Variants in ADAMTSL1 observed in about 807,000 individuals in gnomAD.
The protein encoded by ADAMTSL1 is ADAMTS-like protein 1.
In ADAMTSL1, 126 loss-of-function variants were observed where a neutral mutation model predicts 201.8. The ratio of observed to expected loss-of-function variants is 0.62; its 90% CI spans 0.54 to 0.72. The LOEUF (loss-of-function observed/expected upper bound fraction) is 0.72, where lower values mean the gene tolerates loss of function less well. Ranked by LOEUF, ADAMTSL1 falls within the 30% of genes least tolerant of loss-of-function variation. The pLI is 0.00. For missense variants in ADAMTSL1, 2,679 were observed against 2,277.8 expected (o/e 1.18, Z -3.59); for synonymous variants, 1,121 against 903.4 (o/e 1.24, Z -4.32).
Position 18,420,454 on chromosome 9 carries a change from G to C in ADAMTSL1, c.208-84375G>C, listed in dbSNP as rs569726092. 1.6e-4 allele frequency among the ~76,000 whole-genome samples: 24 copies of C among 152,282 alleles called. No individual in the cohort carries two copies. In the South Asian group the frequency reaches 4.1e-3, roughly 26 times the overall value. ...CTAACCTGGCCTTTCCTCAAATGTA[G>C]GTAAGAAAGGCAGCAAGCCTACAGC... On this transcript the variant is annotated intron_variant, in intron 2 of 29. Coordinates refer to the ADAMTSL1 transcript ENST00000680146.
intron 4 of ADAMTSL1, among the ~76,000 whole-genome samples, chr9:18,584,533 C>T (rs1183348163): frequency 6.6e-6 from 1 of 152,228 alleles, no homozygotes; most frequent in Non-Finnish European, 1.5e-5. Context: ...TTCTCTGCCA[C>T]TGTATAACAG....
At chr9:17,980,352 A>G (rs914861717) in intron 1 of ADAMTSL1, among the ~76,000 whole-genome samples, 2 of 150,718 alleles carry the variant, frequency 1.3e-5, no homozygotes, top group African/African-American at 4.9e-5. Context: ...TGCATTTTCC[A>G]TCTTTTTGCC....
intron 1 of ADAMTSL1, among the ~76,000 whole-genome samples, chr9:18,103,444 G>T (rs531492674): frequency 1.3e-5 from 2 of 152,066 alleles, no homozygotes; most frequent in South Asian, 4.1e-4. Context: ...TAAATTTCAA[G>T]AAATAATCTA....
At chr9:18,596,928 C>T (rs1022932297) in intron 4 of ADAMTSL1, among the ~76,000 whole-genome samples, 4 of 152,156 alleles carry the variant, frequency 2.6e-5, no homozygotes, top group African/African-American at 7.2e-5. Context: ...AGCAAAACTC[C>T]TAGGGGAATT....
At chr9:18,068,532 T>C (rs1047636194) in intron 1 of ADAMTSL1, among the ~76,000 whole-genome samples, 8 of 152,048 alleles carry the variant, frequency 5.3e-5, no homozygotes, top group Admixed American at 2.0e-4. Context: ...CAATCCTCCA[T>C]GGATACCAAT....
At chr9:18,371,471 T>C (rs1307299289) in intron 2 of ADAMTSL1, among the ~76,000 whole-genome samples, 1 of 152,218 alleles carries the variant, frequency 6.6e-6, no homozygotes, top group East Asian at 1.9e-4. Context: ...TGGAATCTGA[T>C]ATTATCTGAG....
At chr9:18,737,780 G>A (rs1818600295) in intron 15 of ADAMTSL1, among the ~76,000 whole-genome samples, 1 of 152,180 alleles carries the variant, frequency 6.6e-6, no homozygotes, top group African/African-American at 2.4e-5. Context: ...ATAGACACTG[G>A]CTGGCAAAGC....
At chr9:18,566,079 G>A in intron 3 of ADAMTSL1, among the ~76,000 whole-genome samples, 1 of 152,160 alleles carries the variant, frequency 6.6e-6, no homozygotes, top group East Asian at 1.9e-4. Context: ...AACTAGGCAA[G>A]ACTCCCTAAC....
chr9:18,140,489 CAT>C (rs1308386278), intron 1 of ADAMTSL1, among the ~76,000 whole-genome samples: 12 of 152,194 alleles, frequency 7.9e-5, no homozygotes, highest in Non-Finnish European at 4.4e-5. Flanking sequence ...GTTGGACACA[CAT>C]GTGTGAAATG....
At chr9:18,377,335 G>GA (rs1450059920) in intron 2 of ADAMTSL1, among the ~76,000 whole-genome samples, 1 of 152,156 alleles carries the variant, frequency 6.6e-6, no homozygotes, top group Non-Finnish European at 1.5e-5. Flanking sequence ...GGCACTCAGT[G>GA]AATATTATAT....
intron 2 of ADAMTSL1, among the ~76,000 whole-genome samples, chr9:18,210,907 A>G (rs1266861276): frequency 6.6e-6 from 1 of 151,976 alleles, no homozygotes; most frequent in African/African-American, 2.4e-5. Context: ...GGCTGTCTAG[A>G]GACAGAGACA....
rs182286557 is a variant in ADAMTSL1, at chr9:18,129,114, G to T, written c.88-34748G>T. Among the ~76,000 whole-genome samples the T allele has an allele frequency of 1.6e-4, 24 of 152,226 alleles. 1 individual carries two copies. The highest frequency in any genetic ancestry group is 1.5e-3 in the Admixed American group (23 of 15,290). Reference sequence around the variant, plus strand: ...CTGTTTTATATCTATGTCTAGTGAAGAATAAACTCTGGTCAGCCTAGCATA... The same window carrying T: ...CTGTTTTATATCTATGTCTAGTGAATAATAAACTCTGGTCAGCCTAGCATA... On this transcript the variant is annotated intron_variant, in intron 1 of 29. Coordinates refer to the ADAMTSL1 transcript ENST00000680146.
At chr9:18,830,004 G>A (rs1281677897) in intron 23 of ADAMTSL1, 27 bp downstream of exon 23, 3 of 1,585,638 alleles carry the variant, frequency 1.9e-6, no homozygotes, top group East Asian at 4.6e-5. Context: ...GAAACATTGG[G>A]CAGAAAGCCA....
intron 10 of ADAMTSL1, among the ~76,000 whole-genome samples, chr9:18,678,763 T>C (rs551044849): frequency 1.2e-4 from 18 of 152,212 alleles, no homozygotes; most frequent in Non-Finnish European, 1.2e-4. Context: ...TACATACTTA[T>C]GTATTCAACC....
At chr9:18,089,458 C>T (rs1427033906) in intron 1 of ADAMTSL1, among the ~76,000 whole-genome samples, 3 of 150,584 alleles carry the variant, frequency 2.0e-5, no homozygotes, top group African/African-American at 4.9e-5. Context: ...CACACTGGGG[C>T]CTGTCGGGGG....
chr9:18,207,204 G>C (rs1829686969), intron 2 of ADAMTSL1, among the ~76,000 whole-genome samples: 1 of 151,808 alleles, frequency 6.6e-6, no homozygotes, highest in Admixed American at 6.6e-5. Flanking sequence ...GTAAATGGAA[G>C]GGAAAGGAAG....
rs137919661 is a variant in ADAMTSL1 at position 18,361,228 on chromosome 9, G to A, written c.208-143601G>A. Among the ~76,000 whole-genome samples the A allele has an allele frequency of 7.2e-3, 1,099 of 151,954 alleles. 4 individuals are homozygous for A. Among genetic ancestry groups the A allele is most frequent in the South Asian group, 0.019 (93 of 4,812 alleles). On this transcript the variant is annotated intron_variant, in intron 2 of 29. Coordinates refer to the ADAMTSL1 transcript ENST00000680146. Reference sequence around the variant, plus strand: ...TTCTTTTCCAATAAGTGTATTTTTCGATTATAAGGAGCATTAAAGTCACAT... The same window carrying A: ...TTCTTTTCCAATAAGTGTATTTTTCAATTATAAGGAGCATTAAAGTCACAT...
intron 1 of ADAMTSL1, among the ~76,000 whole-genome samples, chr9:18,487,089 T>C (rs1245563913): frequency 6.6e-6 from 1 of 152,220 alleles, no homozygotes; most frequent in Non-Finnish European, 1.5e-5. Flanking sequence ...AATTGTGGTC[T>C]TCAGAAAATA....
chr9:17,938,768 A>C (rs1827113696), intron 1 of ADAMTSL1, among the ~76,000 whole-genome samples: 1 of 152,098 alleles, frequency 6.6e-6, no homozygotes, highest in Non-Finnish European at 1.5e-5. Flanking sequence ...GGGATTGGTG[A>C]CCATCCAAGA....
Sources: gnomAD v4.1 joint callset for allele counts (sites outside exome capture counted in the v4.1 genomes callset) on GRCh38, gnomAD v4.1.1 for gene constraint, MANE v1.5 for transcripts, NCBI Gene and HGNC (gene_info 2026-07-23, HGNC 2026-07-21) for gene names.